FRMPD4: variants seen among roughly 807,000 people sequenced by gnomAD.
FRMPD4 encodes the protein FERM and PDZ domain-containing protein 4.
FRMPD4 carries 22 observed loss-of-function variants against 94.1 expected under a neutral mutation model. The ratio of observed to expected loss-of-function variants is 0.23; its 90% CI spans 0.17 to 0.33. The LOEUF is 0.33. Among genes scored for constraint, FRMPD4 ranks in the 10% least tolerant of loss-of-function variants. The pLI is 1.00. For missense variants in FRMPD4, 1,111 were observed against 1,339.9 expected, an observed-to-expected ratio of 0.83 and a Z score of 2.67; for synonymous variants, 631 against 548.6, an observed-to-expected ratio of 1.15 and a Z score of -2.10.
At chrX:12,402,061 G>T (rs1183408790) in intron 1 of FRMPD4, among the ~76,000 whole-genome samples, 3 of 110,913 alleles carry the variant, frequency 2.7e-5, no homozygotes. Context: ...CCTGGCCTGT[G>T]CTAGGGAAGT....
chrX:12,211,846 T>C (rs754769722), intron 1 of FRMPD4, among the ~76,000 whole-genome samples: 1 of 112,435 alleles, frequency 8.9e-6, no homozygotes, highest in South Asian at 3.7e-4. Flanking sequence ...GTTCCAATTA[T>C]ATTTAAAAAT....
chrX:12,549,648 A>G (rs961929891), intron 2 of FRMPD4, among the ~76,000 whole-genome samples: 1 of 112,246 alleles, frequency 8.9e-6, no homozygotes, highest in African/African-American at 3.2e-5. Flanking sequence ...TCAGAGCTAC[A>G]AAAAGATTTA....
intron 1 of FRMPD4, among the ~76,000 whole-genome samples, chrX:12,313,409 A>G (rs1304818344): frequency 8.9e-6 from 1 of 112,756 alleles, no homozygotes; most frequent in East Asian, 2.8e-4. Flanking sequence ...AAAGTGGGGA[A>G]TAGAAAGGAA....
intron 13 of FRMPD4, 65 bp downstream of exon 13, chrX:12,707,716 A>G: frequency 1.1e-6 from 1 of 905,377 alleles, no homozygotes; most frequent in Non-Finnish European, 1.6e-6. Context: ...AACACTGCAG[A>G]TGTTTACAAG....
rs751102423 is a variant in FRMPD4 at position 12,524,409 on chromosome X, T to C, written c.158+25613T>C. Among the ~76,000 whole-genome samples the C allele has an allele frequency of 7.2e-5, 8 of 111,765 alleles. No homozygotes were observed. The East Asian group carries it at 2.2e-3, about 31-fold the overall frequency. On this transcript the variant is annotated intron_variant, in intron 2 of 16. Coordinates refer to ENST00000675598, the MANE Select transcript of FRMPD4 (RefSeq NM_001368397.1). ...GTTGGGGCCTACTGCAGGAGCTCAG[T>C]CCAAAACAATGGCCTCCTATAATTT...
intron 1 of FRMPD4, among the ~76,000 whole-genome samples, chrX:11,858,029 A>T (rs2053663162): frequency 9.0e-6 from 1 of 111,565 alleles, no homozygotes; most frequent in Non-Finnish European, 1.9e-5. Context: ...AGTAAGAATG[A>T]CTATTATTAA....
At chrX:12,663,923 T>C (rs192072604) in intron 4 of FRMPD4, among the ~76,000 whole-genome samples, 2 of 112,072 alleles carry the variant, frequency 1.8e-5, no homozygotes, top group African/African-American at 6.5e-5. Flanking sequence ...TTCACATCCC[T>C]TGTAAGTTGT....
rs11432329 is a variant in FRMPD4, at chrX:12,152,923, ATTT to A, written c.41+13930_41+13932del. Reference sequence around the variant, plus strand: ...ACCTTTCAACCAGGAAAGCTTATACATTTTTTTTTTTTTTTTTTTTTGAGACGG... The same window carrying A: ...ACCTTTCAACCAGGAAAGCTTATACATTTTTTTTTTTTTTTTTTGAGACGG... On this transcript the variant is annotated intron_variant, in intron 1 of 16. Transcript: ENST00000675598. Among the ~76,000 whole-genome samples the A allele has an allele frequency of 2.8e-4, 21 of 75,731 alleles. No homozygotes were observed. The East Asian group carries it at 4.2e-3, about 15-fold the overall frequency. The allele number at this position is 75,731 out of a possible 115,157, so 65.8% of individuals were successfully genotyped here. A position where few individuals can be genotyped will look rare whatever the true frequency, so the allele number is the denominator to read the frequency against.
chrX:11,861,961 A>T (rs925845905), intron 1 of FRMPD4, among the ~76,000 whole-genome samples: 19 of 111,586 alleles, frequency 1.7e-4, no homozygotes, highest in African/African-American at 3.3e-5. Context: ...AACTTCAATT[A>T]TGGCAGAAGG....
chrX:12,280,152 A>G (rs1316926342), intron 1 of FRMPD4, among the ~76,000 whole-genome samples: 2 of 109,896 alleles, frequency 1.8e-5, no homozygotes, highest in Non-Finnish European at 3.8e-5. Flanking sequence ...CAGATATACT[A>G]CCACACAACC....
At chrX:12,525,025 A>G (rs931610861) in intron 2 of FRMPD4, among the ~76,000 whole-genome samples, 1 of 111,368 alleles carries the variant, frequency 9.0e-6, no homozygotes, top group African/African-American at 3.3e-5. Flanking sequence ...GGCCCAAGAT[A>G]ATTCTTCTTC....
chrX:12,659,249 T>C (rs2059690592), intron 4 of FRMPD4, among the ~76,000 whole-genome samples: 1 of 112,841 alleles, frequency 8.9e-6, no homozygotes, highest in African/African-American at 3.2e-5. Flanking sequence ...TTGTCTACCC[T>C]ATTCAAAATG....
intron 2 of FRMPD4, among the ~76,000 whole-genome samples, chrX:12,521,037 G>C (rs776302707): frequency 8.0e-5 from 9 of 112,268 alleles, no homozygotes; most frequent in Non-Finnish European, 1.1e-4. Flanking sequence ...AACCAGAGAC[G>C]CTAAGTAAAT....
chrX:12,060,051 G>A (rs2054876326), intron 3 of FRMPD4, among the ~76,000 whole-genome samples: 2 of 111,266 alleles, frequency 1.8e-5, no homozygotes, highest in Admixed American at 1.9e-4. Flanking sequence ...ACCTTGGAGA[G>A]AATGGGAGTG....
chrX:11,880,907 T>A (rs969755915), intron 3 of FRMPD4, among the ~76,000 whole-genome samples: 1 of 112,251 alleles, frequency 8.9e-6, no homozygotes, highest in African/African-American at 3.2e-5. Flanking sequence ...CCTCCCAAAG[T>A]GTTGGGATTA....
intron 3 of FRMPD4, among the ~76,000 whole-genome samples, chrX:11,910,449 T>A (rs748739867): frequency 2.7e-5 from 3 of 111,846 alleles, no homozygotes; most frequent in Non-Finnish European, 5.6e-5. Flanking sequence ...AGACAGAGTC[T>A]CACTCTGTTG....
chrX:12,516,586 T>C (rs778609586), intron 2 of FRMPD4, among the ~76,000 whole-genome samples: 29 of 112,007 alleles, frequency 2.6e-4, no homozygotes, highest in Middle Eastern at 9.2e-3. Context: ...AGCTTCCCTA[T>C]CTAGGTGACC....
intron 5 of FRMPD4, among the ~76,000 whole-genome samples, chrX:12,680,773 GT>G (rs1333985570): frequency 2.7e-5 from 3 of 111,293 alleles, no homozygotes; most frequent in African/African-American, 9.8e-5. Flanking sequence ...CAGGAATGAA[GT>G]TACATAAAAT....
intron 3 of FRMPD4, among the ~76,000 whole-genome samples, chrX:12,016,026 A>G (rs1038365972): frequency 8.9e-6 from 1 of 112,508 alleles, no homozygotes; most frequent in East Asian, 2.8e-4. Context: ...AGTGGCACAG[A>G]AAGATAAGCA....
Sources: allele counts gnomAD v4.1 joint callset (sites outside exome capture counted in the v4.1 genomes callset), GRCh38; gene constraint gnomAD v4.1.1; transcripts MANE v1.5; gene names NCBI Gene and HGNC (gene_info 2026-07-23, HGNC 2026-07-21).